The following DLG1 variants were observed in gnomAD, a reference collection of about 807,000 sequenced individuals.
DLG1 encodes the protein disks large homolog 1.
DLG1 carries 42 observed loss-of-function variants against 123.4 expected under a neutral mutation model. The ratio of observed to expected loss-of-function variants is 0.34; its 90% CI spans 0.27 to 0.44. DLG1 has a LOEUF of 0.44. DLG1 is among the 20% of genes least tolerant of loss of function. The pLI is 1.00. For synonymous variants in DLG1, 317 were observed against 356.2 expected (o/e 0.89, Z 1.24); for missense variants, 942 against 1,082.6 (o/e 0.87, Z 1.82).
chr3:197,282,563 T>C (rs1769904064), intron 4 of DLG1, 116 bp downstream of exon 4: 1 of 667,980 alleles, frequency 1.5e-6, no homozygotes, highest in South Asian at 5.8e-5. Flanking sequence ...TTATAAATTA[T>C]ACTTCCATAA....
At chr3:197,156,125 C>A (rs1796314764) in intron 5 of DLG1, among the ~76,000 whole-genome samples, 1 of 152,102 alleles carries the variant, frequency 6.6e-6, no homozygotes, top group Admixed American at 6.5e-5. Flanking sequence ...TGTTTTTGGG[C>A]ATACAATATA....
chr3:197,111,490 A>G (rs1454928667), intron 13 of DLG1, among the ~76,000 whole-genome samples: 1 of 152,246 alleles, frequency 6.6e-6, no homozygotes, highest in Non-Finnish European at 1.5e-5. Context: ...CAACAATATT[A>G]ATCTTTTAAG....
chr3:197,177,807 T>C (rs1185961075), intron 5 of DLG1, among the ~76,000 whole-genome samples: 1 of 152,148 alleles, frequency 6.6e-6, no homozygotes, highest in East Asian at 1.9e-4. Flanking sequence ...CCTACCTCAT[T>C]TCCTTGTGTG....
chr3:197,215,146 A>T (rs1561495579), intron 4 of DLG1, among the ~76,000 whole-genome samples: 2 of 152,338 alleles, frequency 1.3e-5, no homozygotes, highest in East Asian at 3.9e-4. Context: ...ATACAAATAC[A>T]ATTAAAACTG....
chr3:197,203,424 T>C (rs906912361), intron 4 of DLG1, among the ~76,000 whole-genome samples: 1 of 152,178 alleles, frequency 6.6e-6, no homozygotes, highest in Non-Finnish European at 1.5e-5. Context: ...AGTAGGATAT[T>C]TTAAATTCTA....
At chr3:197,185,244 G>C (rs374797321) in intron 5 of DLG1, among the ~76,000 whole-genome samples, 4 of 152,098 alleles carry the variant, frequency 2.6e-5, no homozygotes, top group African/African-American at 7.2e-5. Context: ...CCTTGTCTAC[G>C]TGCTTACCAG....
intron 11 of DLG1, among the ~76,000 whole-genome samples, chr3:197,127,151 G>A (rs940938011): frequency 1.8e-4 from 27 of 151,778 alleles, no homozygotes; most frequent in South Asian, 8.3e-4. Context: ...GGCCAGGTGC[G>A]GTGGCTCACG....
chr3:197,175,209 G>A (rs965673127), intron 5 of DLG1, among the ~76,000 whole-genome samples: 1 of 152,116 alleles, frequency 6.6e-6, no homozygotes, highest in Non-Finnish European at 1.5e-5. Flanking sequence ...TTAAAAGGTG[G>A]TAACTGTAGG....
At chr3:197,139,087 A>G (rs989204654) in intron 8 of DLG1, among the ~76,000 whole-genome samples, 26 of 152,234 alleles carry the variant, frequency 1.7e-4, no homozygotes, top group Non-Finnish European at 1.5e-5. Context: ...TAGGTAAAGA[A>G]CTTATAATTT....
intron 11 of DLG1, among the ~76,000 whole-genome samples, chr3:197,128,040 C>T (rs961855226): frequency 6.6e-6 from 1 of 152,046 alleles, no homozygotes; most frequent in Admixed American, 6.6e-5. Flanking sequence ...GGTGGGGTGC[C>T]TGTGTTAATT....
chr3:197,269,329 T>A (rs1204017108), intron 4 of DLG1, among the ~76,000 whole-genome samples: 5 of 152,176 alleles, frequency 3.3e-5, no homozygotes, highest in African/African-American at 1.2e-4. Flanking sequence ...TCAGCTTGAT[T>A]ATAACCTTAA....
chr3:197,069,917 T>C (rs550935660), intron 18 of DLG1: 42 of 152,280 alleles, frequency 2.8e-4, no homozygotes, highest in African/African-American at 4.3e-4. Context: ...ATGGTGGCAA[T>C]TGCATTTTAA....
At chr3:197,200,277 G>A (rs993830663) in intron 4 of DLG1, among the ~76,000 whole-genome samples, 1 of 152,106 alleles carries the variant, frequency 6.6e-6, no homozygotes, top group African/African-American at 2.4e-5. Flanking sequence ...TATTATTAGT[G>A]TGCAAATATC....
intron 10 of DLG1, among the ~76,000 whole-genome samples, chr3:197,134,185 A>G (rs1157146084): frequency 2.6e-5 from 4 of 152,146 alleles, no homozygotes. Flanking sequence ...CTGTGAAAGG[A>G]TAAGTTAGAG....
intron 23 of DLG1, among the ~76,000 whole-genome samples, chr3:197,058,500 A>G (rs1160822388): frequency 6.6e-6 from 1 of 152,228 alleles, no homozygotes; most frequent in African/African-American, 2.4e-5. Flanking sequence ...TCAGAAGCAT[A>G]ATGCTTAATT....
intron 4 of DLG1, among the ~76,000 whole-genome samples, chr3:197,215,886 A>G (rs1489620678): frequency 6.6e-6 from 1 of 152,206 alleles, no homozygotes; most frequent in Non-Finnish European, 1.5e-5. Flanking sequence ...ATTATTTTTA[A>G]TATTATGTAG....
intron 16 of DLG1, among the ~76,000 whole-genome samples, chr3:197,082,170 G>T (rs1448460409): frequency 6.6e-6 from 1 of 152,124 alleles, no homozygotes; most frequent in Non-Finnish European, 1.5e-5. Context: ...AGGAGTTCAA[G>T]ACCAGTCTGG....
intron 4 of DLG1, among the ~76,000 whole-genome samples, chr3:197,251,320 A>G (rs2150860827): frequency 6.6e-6 from 1 of 152,340 alleles, no homozygotes; most frequent in African/African-American, 2.4e-5. Flanking sequence ...TAAAAATTAT[A>G]TGGAACCACA....
At chr3:197,282,451 G>A (rs1203257181) in intron 4 of DLG1, among the ~76,000 whole-genome samples, 1 of 152,120 alleles carries the variant, frequency 6.6e-6, no homozygotes, top group Non-Finnish European at 1.5e-5. Context: ...TCTAAATCAA[G>A]TATTTCAGAC....
Sources: gnomAD v4.1 joint callset for allele counts (sites outside exome capture counted in the v4.1 genomes callset) on GRCh38, gnomAD v4.1.1 for gene constraint, MANE v1.5 for transcripts, NCBI Gene and HGNC (gene_info 2026-07-23, HGNC 2026-07-21) for gene names.